Variants in DRC11 observed in about 807,000 individuals in gnomAD.
DRC11 encodes dynein regulatory complex subunit 11, also known as IQ and AAA domain-containing protein 1.
At chr2:236,356,442 C>T in the DRC11 span, among the ~76,000 whole-genome samples, 3 of 152,200 alleles carry the variant, frequency 2.0e-5, no homozygotes, top group African/African-American at 4.8e-5. Flanking sequence ...AGGGCACATC[C>T]TCCCACAGGG....
the DRC11 span, among the ~76,000 whole-genome samples, chr2:236,459,704 C>T: frequency 1.7e-4 from 25 of 144,636 alleles, no homozygotes; most frequent in African/African-American, 4.4e-4. Context: ...TACATATATA[C>T]GTATATATAT....
the DRC11 span, among the ~76,000 whole-genome samples, chr2:236,463,830 C>G: frequency 6.6e-6 from 1 of 152,208 alleles, no homozygotes; most frequent in Admixed American, 6.5e-5. This position sits in a 1 kb window ranked among gnomAD's most constrained non-coding sequence, Gnocchi z 5.0. Context: ...GCTTCAAGGT[C>G]TCTCACAAGG....
At chr2:236,349,756 A>C in the DRC11 span, among the ~76,000 whole-genome samples, 45 of 152,324 alleles carry the variant, frequency 3.0e-4, 1 homozygote, top group South Asian at 9.1e-3. The surrounding 1 kb of genome is among the most constrained non-coding windows in gnomAD (Gnocchi z 5.5). Flanking sequence ...AAATGAGTGG[A>C]AAAAATCATT....
the DRC11 span, among the ~76,000 whole-genome samples, chr2:236,501,045 C>T: frequency 2.0e-5 from 3 of 152,124 alleles, no homozygotes; most frequent in Non-Finnish European, 4.4e-5. Context: ...CTCACGGTTC[C>T]ACAGGCTGTA....
chr2:236,314,191 T>C, the DRC11 span, among the ~76,000 whole-genome samples: 1 of 152,176 alleles, frequency 6.6e-6, no homozygotes, highest in East Asian at 1.9e-4. The surrounding 1 kb of genome is among the most constrained non-coding windows in gnomAD (Gnocchi z 4.5). Context: ...CTCTGATATC[T>C]CACTAAAAAT....
the DRC11 span, among the ~76,000 whole-genome samples, chr2:236,362,952 C>T: frequency 6.6e-6 from 1 of 152,138 alleles, no homozygotes; most frequent in Admixed American, 6.5e-5. The surrounding 1 kb of genome is among the most constrained non-coding windows in gnomAD (Gnocchi z 5.7). Context: ...GGAGACATTC[C>T]TGTCCGTTTA....
chr2:236,320,959 G>T, the DRC11 span, among the ~76,000 whole-genome samples: 1 of 152,032 alleles, frequency 6.6e-6, no homozygotes, highest in African/African-American at 2.4e-5. Context: ...GAGGACTTTG[G>T]GTTTTCAGCG....
the DRC11 span, among the ~76,000 whole-genome samples, chr2:236,358,561 C>T: frequency 0.03 from 4,363 of 143,868 alleles, 244 homozygotes; most frequent in African/African-American, 0.11. Flanking sequence ...CCCGCCACCC[C>T]CCAGGTACCA....
At chr2:236,387,382 C>T in the DRC11 span, among the ~76,000 whole-genome samples, 1 of 151,988 alleles carries the variant, frequency 6.6e-6, no homozygotes, top group African/African-American at 2.4e-5. Context: ...ATAGTTAGCT[C>T]TTCTTGTTGA....
the DRC11 span, chr2:236,399,402 C>T: frequency 5.6e-6 from 9 of 1,611,396 alleles, no homozygotes; most frequent in East Asian, 2.0e-4. The surrounding 1 kb of genome is among the most constrained non-coding windows in gnomAD (Gnocchi z 7.0). Context: ...TGCACGTTCT[C>T]CTAAACTGAC....
the DRC11 span, among the ~76,000 whole-genome samples, chr2:236,473,781 A>G: frequency 2.2e-5 from 3 of 134,070 alleles, no homozygotes; most frequent in African/African-American, 8.7e-5. The surrounding 1 kb of genome is among the most constrained non-coding windows in gnomAD (Gnocchi z 4.8). Context: ...GACAATATCC[A>G]AAAAAAAAAA....
chr2:236,428,683 C>T, the DRC11 span, among the ~76,000 whole-genome samples: 1 of 152,112 alleles, frequency 6.6e-6, no homozygotes, highest in East Asian at 1.9e-4. Context: ...TAAAAAAAAT[C>T]CATTCAGCCA....
chr2:236,391,998 T>G, the DRC11 span: 1 of 1,613,998 alleles, frequency 6.2e-7, no homozygotes, highest in Non-Finnish European at 8.5e-7. The surrounding 1 kb of genome is among the most constrained non-coding windows in gnomAD (Gnocchi z 4.5). Context: ...CTTTCCTGCT[T>G]TCACTGGGCG....
At chr2:236,335,671 A>G in the DRC11 span, among the ~76,000 whole-genome samples, 437 of 152,344 alleles carry the variant, frequency 2.9e-3, 3 homozygotes, top group African/African-American at 0.01. The surrounding 1 kb of genome is among the most constrained non-coding windows in gnomAD (Gnocchi z 5.6). Flanking sequence ...CATTCTGTCC[A>G]GAGTCCAGAA....
At chr2:236,329,018 C>T in the DRC11 span, among the ~76,000 whole-genome samples, 1 of 152,200 alleles carries the variant, frequency 6.6e-6, no homozygotes, top group Non-Finnish European at 1.5e-5. Context: ...TTGCCTTTTG[C>T]AGCTCTCAGA....
chr2:236,320,471 G>A, the DRC11 span, among the ~76,000 whole-genome samples: 1 of 152,092 alleles, frequency 6.6e-6, no homozygotes, highest in African/African-American at 2.4e-5. Flanking sequence ...GTTTGAAAAG[G>A]GTCTCAAACA....
chr2:236,410,810 T>C, the DRC11 span, among the ~76,000 whole-genome samples: 1 of 148,472 alleles, frequency 6.7e-6, no homozygotes, highest in Non-Finnish European at 1.5e-5. Context: ...ATTCCCTTTT[T>C]AATAAATGGT....
the DRC11 span, chr2:236,399,566 C>A: frequency 2.5e-6 from 3 of 1,216,580 alleles, no homozygotes; most frequent in Admixed American, 3.4e-5. This position sits in a 1 kb window ranked among gnomAD's most constrained non-coding sequence, Gnocchi z 7.0. Flanking sequence ...ATAACCGTGA[C>A]GAGGGTCCAT....
chr2:236,473,572 G>C, the DRC11 span, among the ~76,000 whole-genome samples: 1 of 151,698 alleles, frequency 6.6e-6, no homozygotes, highest in Non-Finnish European at 1.5e-5. The surrounding 1 kb of genome is among the most constrained non-coding windows in gnomAD (Gnocchi z 4.8). Context: ...ATAGCTTCAG[G>C]GTAACATAAA....
Sources: gnomAD v4.1 joint callset for allele counts (sites outside exome capture counted in the v4.1 genomes callset) on GRCh38, gnomAD v4.1.1 for gene constraint, Gnocchi (gnomAD v3.1) non-coding constraint, MANE v1.5 for transcripts, NCBI Gene and HGNC (gene_info 2026-07-23, HGNC 2026-07-21) for gene names.